Variants in FBXL17 observed in about 807,000 individuals in gnomAD.
The protein encoded by FBXL17 is F-box and leucine rich repeat protein 17, also known as F-box/LRR-repeat protein 17.
Under a neutral mutation model 66.2 loss-of-function variants are expected in FBXL17, and 22 were observed. The ratio of observed to expected loss-of-function variants is 0.33; its 90% CI spans 0.24 to 0.47. The LOEUF (loss-of-function observed/expected upper bound fraction) is 0.47. Ranked by LOEUF, FBXL17 falls within the 20% of genes least tolerant of loss-of-function variation. FBXL17 has a pLI of 1.00. For synonymous variants in FBXL17, 474 were observed against 400.5 expected, an observed-to-expected ratio of 1.18 and a Z score of -2.19; for missense variants, 878 against 948.2, an observed-to-expected ratio of 0.93 and a Z score of 0.97.
chr5:108,341,530 TC>T lies in FBXL17; in HGVS notation c.1506+6868del, dbSNP rs1303204391. Among the ~76,000 whole-genome samples the T allele has an allele frequency of 2.0e-5, 3 of 152,112 alleles. No homozygotes were observed. The East Asian group carries it at 5.8e-4, about 29-fold the overall frequency. On this transcript the variant is annotated intron_variant, in intron 4 of 8. Coordinates refer to ENST00000542267, the MANE Select transcript of FBXL17 (RefSeq NM_001163315.3). ...GTGACAGGCATACAGCTGTTATTACTCCTTTTTGTATTCTATATTTTTCTTA... is the reference window on the plus strand; with the variant it reads ...GTGACAGGCATACAGCTGTTATTACTCTTTTTGTATTCTATATTTTTCTTA...
chr5:108,261,700 A>C lies in FBXL17; in HGVS notation c.1507-37472T>G, dbSNP rs554778091. 5.3e-5 allele frequency among the ~76,000 whole-genome samples: 8 copies of C among 151,918 alleles called. No individual in the cohort carries two copies. In the East Asian group the frequency reaches 1.5e-3, roughly 29 times the overall value. On this transcript the variant is annotated intron_variant, in intron 4 of 8. Coordinates refer to ENST00000542267, the MANE Select transcript of FBXL17 (RefSeq NM_001163315.3). ...AGATGATGCAAATATACAGGATAGAAGGGTTACCCAACATTTTACCTGTTA... is the reference window on the plus strand; with the variant it reads ...AGATGATGCAAATATACAGGATAGACGGGTTACCCAACATTTTACCTGTTA...
At chr5:107,906,682 A>C (rs1749768960) in intron 7 of FBXL17, among the ~76,000 whole-genome samples, 1 of 152,192 alleles carries the variant, frequency 6.6e-6, no homozygotes, top group African/African-American at 2.4e-5. Context: ...AAAGGACATA[A>C]GGTAAAAACA....
At chr5:108,064,480 G>A (rs1748042143) in intron 6 of FBXL17, among the ~76,000 whole-genome samples, 1 of 152,076 alleles carries the variant, frequency 6.6e-6, no homozygotes, top group African/African-American at 2.4e-5. Flanking sequence ...AAGGGAGGGT[G>A]CTGGCCAGCA....
chr5:108,360,416 C>T (rs1223469210), intron 3 of FBXL17, among the ~76,000 whole-genome samples: 1 of 152,088 alleles, frequency 6.6e-6, no homozygotes, highest in Non-Finnish European at 1.5e-5. Context: ...TGTTAGCCCA[C>T]AGCTTTCTGG....
intron 6 of FBXL17, among the ~76,000 whole-genome samples, chr5:108,183,818 T>C (rs1000758697): frequency 6.6e-6 from 1 of 152,184 alleles, no homozygotes; most frequent in Non-Finnish European, 1.5e-5. Flanking sequence ...CATATGGTAT[T>C]TGGTTTTTGA....
At chr5:107,992,380 GA>G (rs1753286857) in intron 7 of FBXL17, among the ~76,000 whole-genome samples, 1 of 151,812 alleles carries the variant, frequency 6.6e-6, no homozygotes, top group African/African-American at 2.4e-5. Context: ...TGTAGCAGAA[GA>G]AAAAAATACA....
chr5:108,080,090 T>C (rs1271830326), intron 6 of FBXL17, among the ~76,000 whole-genome samples: 1 of 152,220 alleles, frequency 6.6e-6, no homozygotes, highest in East Asian at 1.9e-4. Context: ...TTATTCAGTG[T>C]ATCCCTGTGA....
At chr5:108,054,029 C>T (rs903479027) in intron 6 of FBXL17, among the ~76,000 whole-genome samples, 1 of 152,086 alleles carries the variant, frequency 6.6e-6, no homozygotes, top group African/African-American at 2.4e-5. Flanking sequence ...CCAAATACCA[C>T]ATGTTCTCAT....
At chr5:108,227,099 T>G (rs1192521532) in intron 4 of FBXL17, among the ~76,000 whole-genome samples, 1 of 152,172 alleles carries the variant, frequency 6.6e-6, no homozygotes, top group Non-Finnish European at 1.5e-5. Context: ...GTTCTGTTTC[T>G]GTGGAGAACC....
intron 8 of FBXL17, chr5:107,878,482 G>A: frequency 1.5e-6 from 1 of 673,604 alleles, no homozygotes; most frequent in Non-Finnish European, 1.8e-6. Context: ...TGCAAACGAG[G>A]GAACAGGCAC....
At chr5:108,350,427 G>A (rs1356573999) in intron 3 of FBXL17, among the ~76,000 whole-genome samples, 3 of 152,108 alleles carry the variant, frequency 2.0e-5, no homozygotes, top group African/African-American at 7.2e-5. Context: ...CAGTGAAAAC[G>A]GAGGAATTCA....
intron 7 of FBXL17, among the ~76,000 whole-genome samples, chr5:108,019,734 G>T (rs1754517208): frequency 6.6e-6 from 1 of 151,832 alleles, no homozygotes. Flanking sequence ...GACAATGCAA[G>T]ACATAAGAAG....
At chr5:108,041,761 C>G (rs1747055695) in intron 6 of FBXL17, among the ~76,000 whole-genome samples, 1 of 152,048 alleles carries the variant, frequency 6.6e-6, no homozygotes. Flanking sequence ...CCATTTTCTT[C>G]CTTTTATTGT....
chr5:108,184,001 G>C (rs1173065022), intron 6 of FBXL17, among the ~76,000 whole-genome samples: 2 of 152,188 alleles, frequency 1.3e-5, no homozygotes, highest in African/African-American at 4.8e-5. Context: ...AAGAAAGAGT[G>C]AAGTCAAGGC....
chr5:108,302,052 T>C (rs979662058), intron 4 of FBXL17: 2 of 984,526 alleles, frequency 2.0e-6, no homozygotes, highest in East Asian at 1.1e-4. Context: ...CAACCCATCA[T>C]ATGTCTTTCT....
At chr5:108,105,910 G>A (rs1298477227) in intron 6 of FBXL17, among the ~76,000 whole-genome samples, 1 of 152,080 alleles carries the variant, frequency 6.6e-6, no homozygotes, top group Admixed American at 6.6e-5. Flanking sequence ...GTAAAACGGA[G>A]GGAGACTGAA....
intron 6 of FBXL17, among the ~76,000 whole-genome samples, chr5:108,147,137 T>C (rs1751591837): frequency 6.6e-6 from 1 of 152,198 alleles, no homozygotes; most frequent in Admixed American, 6.5e-5. Context: ...TTAATACTAT[T>C]ACAGTGGTTA....
chr5:108,029,303 C>T (rs1038766722), intron 6 of FBXL17, among the ~76,000 whole-genome samples: 1 of 151,988 alleles, frequency 6.6e-6, no homozygotes, highest in Non-Finnish European at 1.5e-5. Flanking sequence ...CAAAGTAACC[C>T]ACATATTCAT....
intron 4 of FBXL17, among the ~76,000 whole-genome samples, chr5:108,244,409 G>A (rs573956364): frequency 2.0e-5 from 3 of 152,190 alleles, no homozygotes; most frequent in South Asian, 2.1e-4. Context: ...TACTAGCTAC[G>A]TGACCTTAAG....
Sources: allele counts gnomAD v4.1 joint callset (sites outside exome capture counted in the v4.1 genomes callset), GRCh38; gene constraint gnomAD v4.1.1; transcripts MANE v1.5; gene names NCBI Gene and HGNC (gene_info 2026-07-23, HGNC 2026-07-21).